STAG1: variants seen among roughly 807,000 people sequenced by gnomAD.
STAG1 encodes STAG1 cohesin complex component, also known as cohesin subunit SA-1.
In STAG1, 26 loss-of-function variants were observed where a neutral mutation model predicts 170.9. The ratio of observed to expected loss-of-function variants is 0.15; its 90% CI spans 0.11 to 0.21. STAG1 has a LOEUF of 0.21. Ranked by LOEUF, STAG1 falls within the 10% of genes least tolerant of loss-of-function variation. STAG1 has a pLI of 1.00. For missense variants in STAG1, 964 were observed against 1,509.5 expected, an observed-to-expected ratio of 0.64 and a Z score of 5.99; for synonymous variants, 514 against 497.7, an observed-to-expected ratio of 1.03 and a Z score of -0.44.
chr3:136,355,282 G>A (rs1035520866), intron 28 of STAG1, among the ~76,000 whole-genome samples: 10 of 137,566 alleles, frequency 7.3e-5, no homozygotes, highest in Admixed American at 4.9e-4. Flanking sequence ...AACCCGGGAA[G>A]CAGAGATTGC....
intron 1 of STAG1, among the ~76,000 whole-genome samples, chr3:136,674,479 T>C (rs1942075570): frequency 1.3e-5 from 2 of 152,120 alleles, no homozygotes; most frequent in African/African-American, 4.8e-5. Flanking sequence ...AGCAGAACTG[T>C]GGTTGCCTGA....
intron 3 of STAG1, among the ~76,000 whole-genome samples, chr3:136,613,213 G>C (rs1298235765): frequency 6.6e-6 from 1 of 150,764 alleles, no homozygotes; most frequent in Admixed American, 6.7e-5. Flanking sequence ...GCTGAGGCAG[G>C]AGAACGGTGT....
chr3:136,610,027 G>A (rs1050495709), intron 3 of STAG1, among the ~76,000 whole-genome samples: 3 of 151,838 alleles, frequency 2.0e-5, no homozygotes, highest in Admixed American at 1.3e-4. Flanking sequence ...TTTTTTTATA[G>A]CAGAATTTTC....
chr3:136,432,699 GT>G (rs2088344366), intron 16 of STAG1, among the ~76,000 whole-genome samples: 1 of 152,150 alleles, frequency 6.6e-6, no homozygotes, highest in South Asian at 2.1e-4. Context: ...TAGAGACGGG[GT>G]TTCACTATGT....
chr3:136,374,480 G>C (rs1011753208), intron 23 of STAG1, among the ~76,000 whole-genome samples: 1 of 152,050 alleles, frequency 6.6e-6, no homozygotes, highest in South Asian at 2.1e-4. Context: ...AGCCAGGTGT[G>C]GTGGTGCACG....
At chr3:136,731,116 A>C (rs1022882681) in intron 1 of STAG1, among the ~76,000 whole-genome samples, 2 of 152,132 alleles carry the variant, frequency 1.3e-5, no homozygotes, top group African/African-American at 4.8e-5. Context: ...TCTCATCTCC[A>C]ACATCTACCC....
At chr3:136,516,890 T>C (rs1934406264) in intron 7 of STAG1, among the ~76,000 whole-genome samples, 2 of 152,154 alleles carry the variant, frequency 1.3e-5, no homozygotes, top group Non-Finnish European at 2.9e-5. Context: ...CGAATATGAA[T>C]TCAGACAGGC....
rs963857871 is a variant in STAG1 at position 136,597,244 on chromosome 3, G to A, written c.297+7065C>T. On this transcript the variant is annotated intron_variant, in intron 4 of 33. Coordinates refer to ENST00000383202, the MANE Select transcript of STAG1 (RefSeq NM_005862.3). ...ACATGTAAAAAAACTGTATCCAGAG[G>A]TTATATCTAAGAATTGAATTGGTTT... Among the ~76,000 whole-genome samples, 6 of 151,990 alleles carry A rather than the reference G, an allele frequency of 3.9e-5. No homozygotes were observed. The East Asian group carries it at 7.7e-4, about 19-fold the overall frequency.
intron 1 of STAG1, among the ~76,000 whole-genome samples, chr3:136,720,937 A>G (rs113467994): frequency 1.2e-3 from 181 of 152,384 alleles, no homozygotes; most frequent in African/African-American, 2.5e-3. Context: ...GAGATGACAC[A>G]GACATACCTA....
chr3:136,346,050 C>T (rs946696841), intron 29 of STAG1, among the ~76,000 whole-genome samples: 2 of 152,156 alleles, frequency 1.3e-5, no homozygotes, highest in East Asian at 1.9e-4. Flanking sequence ...ACCTGGTAAA[C>T]TCGTCTGTCA....
At chr3:136,444,777 T>C (rs1270858609) in intron 14 of STAG1, among the ~76,000 whole-genome samples, 1 of 152,208 alleles carries the variant, frequency 6.6e-6, no homozygotes, top group African/African-American at 2.4e-5. Context: ...CTATTGGTTA[T>C]CTACTGTTAT....
At chr3:136,660,574 G>A (rs1446225164) in intron 1 of STAG1, among the ~76,000 whole-genome samples, 5 of 152,112 alleles carry the variant, frequency 3.3e-5, no homozygotes, top group Non-Finnish European at 4.4e-5. Context: ...AAATACGTTG[G>A]GTAACATACT....
chr3:136,550,346 C>T (rs1425654578), intron 5 of STAG1, among the ~76,000 whole-genome samples: 1 of 150,222 alleles, frequency 6.7e-6, no homozygotes, highest in Non-Finnish European at 1.5e-5. Flanking sequence ...CTCACTCTGT[C>T]GCCCAGGCTG....
At chr3:136,448,352 C>G (rs546913355) in intron 14 of STAG1, among the ~76,000 whole-genome samples, 1 of 152,046 alleles carries the variant, frequency 6.6e-6, no homozygotes, top group Non-Finnish European at 1.5e-5. Flanking sequence ...AATGGACTCA[C>G]AAAACAGATC....
chr3:136,471,145 C>G (rs1490045669), intron 12 of STAG1, among the ~76,000 whole-genome samples: 1 of 150,144 alleles, frequency 6.7e-6, no homozygotes, highest in East Asian at 1.9e-4. Flanking sequence ...AGGATCACCT[C>G]AGTTCAGGAG....
At chr3:136,385,465 G>C (rs1319014522) in intron 22 of STAG1, among the ~76,000 whole-genome samples, 1 of 152,148 alleles carries the variant, frequency 6.6e-6, no homozygotes, top group African/African-American at 2.4e-5. Flanking sequence ...TTTTCCTAGA[G>C]TACCTGCAGA....
At chr3:136,702,101 G>GAC (rs1943087757) in intron 1 of STAG1, among the ~76,000 whole-genome samples, 3 of 105,048 alleles carry the variant, frequency 2.9e-5, no homozygotes, top group African/African-American at 1.5e-4. Context: ...GAGAGAGAGA[G>GAC]AGAGAGAGAG....
chr3:136,692,313 CAAAAAAAA>C (rs71157399), intron 1 of STAG1, among the ~76,000 whole-genome samples: 18 of 46,224 alleles, frequency 3.9e-4, no homozygotes, highest in African/African-American at 1.4e-3. Context: ...GACTCCATCT[CAAAAAAAA>C]AAAAAAAAAA....
rs1187882556 is a variant in STAG1, at chr3:136,337,282, T to TTGA, written c.*969_*971dup. On this transcript the variant is annotated 3_prime_UTR_variant, in exon 34 of 34. Transcript: ENST00000383202. ...TACACTTAAAATTACTTTTGAATGA[T>TTGA]TGATAAAGGATTTCTTCATGATTGA... 1 of 152,608 alleles carries TTGA rather than the reference T, an allele frequency of 6.6e-6. No individual in the cohort carries two copies. The highest frequency in any genetic ancestry group is 2.4e-5 in the African/African-American group (1 of 41,458). 9.5% of individuals were successfully genotyped at this position (152,608 alleles called of 1,614,324 possible). A position where few individuals can be genotyped will look rare whatever the true frequency, so the allele number is the denominator to read the frequency against.
Sources: allele counts gnomAD v4.1 joint callset (sites outside exome capture counted in the v4.1 genomes callset), GRCh38; gene constraint gnomAD v4.1.1; transcripts MANE v1.5; gene names NCBI Gene and HGNC (gene_info 2026-07-23, HGNC 2026-07-21).